SLC24A2: variants seen among roughly 807,000 people sequenced by gnomAD.
SLC24A2 encodes the protein solute carrier family 24 member 2.
Under a neutral mutation model 62.0 loss-of-function variants are expected in SLC24A2, and 36 were observed. That is an observed-to-expected ratio of 0.58 (90% CI 0.44 to 0.77). SLC24A2 has a LOEUF of 0.77. SLC24A2 is among the 30% of genes least tolerant of loss of function. SLC24A2 has a pLI of 0.00. For synonymous variants in SLC24A2, 358 were observed against 294.0 expected (o/e 1.22, Z -2.23); for missense variants, 846 against 817.9 (o/e 1.03, Z -0.42).
chr9:19,674,859 T>C (rs994328157), intron 2 of SLC24A2, among the ~76,000 whole-genome samples: 1 of 152,212 alleles, frequency 6.6e-6, no homozygotes, highest in Non-Finnish European at 1.5e-5. Flanking sequence ...TTTCTGGCAA[T>C]TTAGGGATTT....
At chr9:19,682,431 G>A (rs1000724429) in intron 2 of SLC24A2, among the ~76,000 whole-genome samples, 1 of 152,080 alleles carries the variant, frequency 6.6e-6, no homozygotes, top group East Asian at 1.9e-4. Flanking sequence ...GCCAGCAATA[G>A]CAACCCTCAC....
the SLC24A2 span, among the ~76,000 whole-genome samples, chr9:19,835,999 G>T: frequency 2.0e-5 from 3 of 152,124 alleles, no homozygotes; most frequent in Admixed American, 6.5e-5. Context: ...CGAAATGAAG[G>T]CAGAAATAAA....
At chr9:20,272,175 G>T in the SLC24A2 span, among the ~76,000 whole-genome samples, 1 of 152,136 alleles carries the variant, frequency 6.6e-6, no homozygotes, top group South Asian at 2.1e-4. Flanking sequence ...AAAAACTCAA[G>T]AATAAACCAG....
chr9:19,987,267 T>C, the SLC24A2 span, among the ~76,000 whole-genome samples: 1 of 152,106 alleles, frequency 6.6e-6, no homozygotes, highest in South Asian at 2.1e-4. Context: ...TCTTTGCCAC[T>C]GGAATATAAT....
chr9:19,769,703 T>C (rs1323330892), intron 2 of SLC24A2, among the ~76,000 whole-genome samples: 12 of 152,186 alleles, frequency 7.9e-5, no homozygotes, highest in Non-Finnish European at 1.3e-4. Context: ...TACCCAGAGA[T>C]GCATGGCTGA....
At chr9:20,205,239 T>C in the SLC24A2 span, among the ~76,000 whole-genome samples, 1 of 152,152 alleles carries the variant, frequency 6.6e-6, no homozygotes, top group Non-Finnish European at 1.5e-5. Context: ...TGAAGCATGA[T>C]GGGTTTTTTT....
chr9:19,700,655 CG>C (rs1820330521), intron 2 of SLC24A2, among the ~76,000 whole-genome samples: 1 of 152,116 alleles, frequency 6.6e-6, no homozygotes, highest in Non-Finnish European at 1.5e-5. Context: ...AGGGTAAGAA[CG>C]TCCTTGCTTT....
At chr9:19,777,733 ATATG>A (rs1262568348) in intron 2 of SLC24A2, among the ~76,000 whole-genome samples, 1 of 152,174 alleles carries the variant, frequency 6.6e-6, no homozygotes, top group African/African-American at 2.4e-5. Context: ...ATGCATGTGT[ATATG>A]TATGTGTATA....
chr9:19,892,249 A>G, the SLC24A2 span, among the ~76,000 whole-genome samples: 1 of 152,170 alleles, frequency 6.6e-6, no homozygotes, highest in Non-Finnish European at 1.5e-5. Context: ...TTCCCTGACC[A>G]TCCCATGTAA....
At chr9:19,691,698 C>T (rs1252128751) in intron 2 of SLC24A2, among the ~76,000 whole-genome samples, 1 of 152,046 alleles carries the variant, frequency 6.6e-6, no homozygotes, top group African/African-American at 2.4e-5. Flanking sequence ...TTAAAATAAG[C>T]ATATAATCAT....
At chr9:20,163,705 G>A in the SLC24A2 span, among the ~76,000 whole-genome samples, 2 of 152,250 alleles carry the variant, frequency 1.3e-5, no homozygotes, top group Admixed American at 6.5e-5. Context: ...CAAAGCTGGA[G>A]GCATCATGCT....
At chr9:19,780,121 C>G (rs1354980495) in intron 2 of SLC24A2, among the ~76,000 whole-genome samples, 1 of 152,112 alleles carries the variant, frequency 6.6e-6, no homozygotes, top group Admixed American at 6.5e-5. Context: ...CAAGGTAGAG[C>G]TTAAATTCTA....
the SLC24A2 span, among the ~76,000 whole-genome samples, chr9:19,794,454 G>A: frequency 6.6e-6 from 1 of 152,152 alleles, no homozygotes; most frequent in African/African-American, 2.4e-5. Context: ...CCTACTTGAG[G>A]GGGAAGTGTG....
chr9:19,855,957 C>G, the SLC24A2 span, among the ~76,000 whole-genome samples: 2 of 152,150 alleles, frequency 1.3e-5, no homozygotes, highest in Admixed American at 1.3e-4. Flanking sequence ...TACATAATCT[C>G]ATAGTTCTTG....
At chr9:19,836,261 A>G in the SLC24A2 span, among the ~76,000 whole-genome samples, 1 of 152,198 alleles carries the variant, frequency 6.6e-6, no homozygotes, top group African/African-American at 2.4e-5. Flanking sequence ...GATATAAAAA[A>G]CCCTTCAAAA....
the SLC24A2 span, among the ~76,000 whole-genome samples, chr9:20,044,495 T>C: frequency 5.3e-5 from 8 of 152,116 alleles, no homozygotes; most frequent in African/African-American, 1.4e-4. Flanking sequence ...GTTGTGCTCA[T>C]GGCTGTGGAG....
At chr9:19,724,169 G>C (rs886255951) in intron 2 of SLC24A2, among the ~76,000 whole-genome samples, 1 of 152,132 alleles carries the variant, frequency 6.6e-6, no homozygotes, top group African/African-American at 2.4e-5. Flanking sequence ...GAATTTAAGA[G>C]CAAGTCCTTC....
the SLC24A2 span, among the ~76,000 whole-genome samples, chr9:20,264,418 T>C: frequency 6.6e-6 from 1 of 152,282 alleles, no homozygotes; most frequent in East Asian, 1.9e-4. Flanking sequence ...GCTTCATGTG[T>C]TGCAGCTGAA....
At chr9:19,762,067 A>G (rs911148011) in intron 2 of SLC24A2, among the ~76,000 whole-genome samples, 13 of 152,228 alleles carry the variant, frequency 8.5e-5, no homozygotes, top group South Asian at 4.1e-4. Context: ...ACTGACTTCC[A>G]CAATGGTTGA....
Sources: allele counts gnomAD v4.1 joint callset (sites outside exome capture counted in the v4.1 genomes callset), GRCh38; gene constraint gnomAD v4.1.1; transcripts MANE v1.5; gene names NCBI Gene and HGNC (gene_info 2026-07-23, HGNC 2026-07-21).